Variants in ATF7IP observed in about 807,000 individuals in gnomAD.
ATF7IP encodes activating transcription factor 7 interacting protein.
A neutral mutation model predicts 106.4 loss-of-function variants in ATF7IP; 23 were observed. The observed-to-expected ratio is 0.22, with a 90% CI of 0.16 to 0.31. ATF7IP has a LOEUF of 0.31. Among genes scored for constraint, ATF7IP ranks in the 10% least tolerant of loss-of-function variants. The pLI, the probability that ATF7IP is intolerant of heterozygous loss-of-function variation, is 1.00. For missense variants in ATF7IP, 1,334 were observed against 1,524.3 expected, an observed-to-expected ratio of 0.88 and a Z score of 2.08; for synonymous variants, 542 against 539.0, an observed-to-expected ratio of 1.01 and a Z score of -0.08.
At chr12:14,456,328 TTAA>T (rs1943423055) in intron 6 of ATF7IP, among the ~76,000 whole-genome samples, 1 of 152,224 alleles carries the variant, frequency 6.6e-6, no homozygotes, top group African/African-American at 2.4e-5. Context: ...AATTATTATA[TTAA>T]TCTCTCAAAT....
At chr12:14,464,344 C>A (rs1000879369) in intron 9 of ATF7IP, among the ~76,000 whole-genome samples, 4 of 152,032 alleles carry the variant, frequency 2.6e-5, no homozygotes, top group Non-Finnish European at 2.9e-5. Flanking sequence ...AACAAACAAA[C>A]GAGAGTTTAA....
intron 13 of ATF7IP, among the ~76,000 whole-genome samples, chr12:14,494,516 CTA>C (rs892143162): frequency 2.8e-5 from 4 of 144,804 alleles, no homozygotes; most frequent in Non-Finnish European, 4.5e-5. Flanking sequence ...TTATATCCTA[CTA>C]TATATATACA....
At chr12:14,458,089 T>G (rs1456346759) in intron 8 of ATF7IP, among the ~76,000 whole-genome samples, 2 of 150,774 alleles carry the variant, frequency 1.3e-5, no homozygotes, top group Non-Finnish European at 3.0e-5. Context: ...GAGTGGGACT[T>G]CCTCTCAAAA....
At chr12:14,488,957 T>A (rs1190184178) in intron 13 of ATF7IP, among the ~76,000 whole-genome samples, 1 of 152,204 alleles carries the variant, frequency 6.6e-6, no homozygotes, top group Non-Finnish European at 1.5e-5. Context: ...CTCATGACAA[T>A]TACAGTCCCC....
At chr12:14,492,576 A>G (rs1434175010) in intron 13 of ATF7IP, among the ~76,000 whole-genome samples, 2 of 152,130 alleles carry the variant, frequency 1.3e-5, no homozygotes, top group Admixed American at 1.3e-4. Context: ...CATTTGACCT[A>G]GAAGCTTTCT....
intron 13 of ATF7IP, among the ~76,000 whole-genome samples, chr12:14,495,407 T>G (rs1485551705): frequency 6.6e-6 from 1 of 152,246 alleles, no homozygotes; most frequent in African/African-American, 2.4e-5. Context: ...TTGGAGTCCC[T>G]GGATCATAGC....
chr12:14,472,464 A>G (rs1944086684), intron 10 of ATF7IP, among the ~76,000 whole-genome samples: 1 of 152,174 alleles, frequency 6.6e-6, no homozygotes, highest in Non-Finnish European at 1.5e-5. Context: ...CCCAGCTTGA[A>G]TGTGTGTAGG....
At chr12:14,406,966 A>G (rs1242174913) in intron 1 of ATF7IP, among the ~76,000 whole-genome samples, 1 of 152,202 alleles carries the variant, frequency 6.6e-6, no homozygotes, top group Non-Finnish European at 1.5e-5. Flanking sequence ...AAAGAGCCTC[A>G]GTTGGTGGAT....
intron 1 of ATF7IP, among the ~76,000 whole-genome samples, chr12:14,421,332 T>G (rs1565495496): frequency 2.6e-5 from 4 of 152,204 alleles, no homozygotes; most frequent in Non-Finnish European, 5.9e-5. Context: ...ATAGCTTGAT[T>G]TGTTTTGTGG....
chr12:14,437,463 C>T (rs1942455006), intron 4 of ATF7IP, among the ~76,000 whole-genome samples: 1 of 151,966 alleles, frequency 6.6e-6, no homozygotes, highest in South Asian at 2.1e-4. Flanking sequence ...ATGAAGGTAG[C>T]TATGTGAAAG....
At position 14,433,670 on chromosome 12, in the gene ATF7IP, C is replaced by CA. The variant is rs928729826; in HGVS notation, c.1559-655dup. Among the ~76,000 whole-genome samples, 535 of 128,840 alleles carry CA rather than the reference C, an allele frequency of 4.2e-3. 3 individuals carry two copies. Among genetic ancestry groups the CA allele is most frequent in the East Asian group, 0.01 (46 of 4,510 alleles). 84.5% of individuals were successfully genotyped at this position (128,840 alleles called of 152,430 possible). ...GGGCGACAAGAGCGAAACTCAGTCTCAAAAAAAAAAAAGAAAAGAAAATTA... is the reference window on the plus strand; with the variant it reads ...GGGCGACAAGAGCGAAACTCAGTCTCAAAAAAAAAAAAAGAAAAGAAAATTA... On this transcript the variant is annotated intron_variant, in intron 2 of 14. Coordinates refer to ENST00000261168, the MANE Select transcript of ATF7IP (RefSeq NM_018179.5).
intron 1 of ATF7IP, among the ~76,000 whole-genome samples, chr12:14,370,548 G>C (rs566794936): frequency 6.6e-6 from 1 of 151,876 alleles, no homozygotes; most frequent in Non-Finnish European, 1.5e-5. Context: ...TAATGGTTTT[G>C]GTTACAATTC....
At chr12:14,399,299 C>A (rs972550177) in intron 1 of ATF7IP, among the ~76,000 whole-genome samples, 20 of 152,094 alleles carry the variant, frequency 1.3e-4, no homozygotes, top group African/African-American at 4.8e-4. Context: ...CTGTAGAATT[C>A]CACAGTGAAA....
At position 14,457,121 on chromosome 12, in the gene ATF7IP, T is replaced by G. The variant is rs955612618; in HGVS notation, c.2070-86T>G. The G allele has an allele frequency of 5.2e-6, 6 of 1,156,638 alleles. No individual in the cohort carries two copies. The African/African-American group carries it at 7.8e-5, about 15-fold the overall frequency. The allele number at this position is 1,156,638 out of a possible 1,614,324, so 71.6% of individuals were successfully genotyped here. ...CCAAGTCTAGCCACCCTTTTTCCCC[T>G]GTGGGCCACTGCTTATTCTAGATAT... On this transcript the variant is annotated intron_variant, in intron 7 of 14. Transcript: ENST00000261168.
chr12:14,440,353 C>G (rs76224587), intron 5 of ATF7IP, among the ~76,000 whole-genome samples: 2,572 of 152,270 alleles, frequency 0.017, 72 homozygotes, highest in African/African-American at 0.059. Flanking sequence ...TTACTTCAGT[C>G]TCTTTATAGT....
chr12:14,457,589 G>C (rs1401037717), intron 8 of ATF7IP, among the ~76,000 whole-genome samples: 1 of 152,006 alleles, frequency 6.6e-6, no homozygotes, highest in Non-Finnish European at 1.5e-5. Flanking sequence ...TCATAGATAA[G>C]TATATGTGAA....
chr12:14,417,462 A>AT (rs138711723), intron 1 of ATF7IP, among the ~76,000 whole-genome samples: 76 of 149,888 alleles, frequency 5.1e-4, no homozygotes, highest in Non-Finnish European at 9.2e-4. Flanking sequence ...GGGTATGAAG[A>AT]TTTTTTTTTT....
intron 2 of ATF7IP, among the ~76,000 whole-genome samples, chr12:14,430,057 G>T (rs1942044076): frequency 6.6e-6 from 1 of 152,182 alleles, no homozygotes. Flanking sequence ...ATGGAGAAAA[G>T]ATCCAAGAAT....
At chr12:14,437,538 C>T (rs530461174) in intron 4 of ATF7IP, among the ~76,000 whole-genome samples, 1 of 152,238 alleles carries the variant, frequency 6.6e-6, no homozygotes, top group South Asian at 2.1e-4. Flanking sequence ...AAGTATGGTT[C>T]ATGGGTATGT....
Sources: allele counts gnomAD v4.1 joint callset (sites outside exome capture counted in the v4.1 genomes callset), GRCh38; gene constraint gnomAD v4.1.1; transcripts MANE v1.5; gene names NCBI Gene and HGNC (gene_info 2026-07-23, HGNC 2026-07-21).